DIP2C: variants seen among roughly 807,000 people sequenced by gnomAD.
DIP2C encodes disco-interacting protein 2 homolog C.
In DIP2C, 33 loss-of-function variants were observed where a neutral mutation model predicts 192.4. The ratio of observed to expected loss-of-function variants is 0.17; its 90% CI spans 0.13 to 0.23. The LOEUF (loss-of-function observed/expected upper bound fraction) is 0.23, where lower values mean the gene tolerates loss of function less well. Ranked by LOEUF, DIP2C falls within the 10% of genes least tolerant of loss-of-function variation. The probability of loss-of-function intolerance (pLI) is 1.00; values close to 1 mark genes in which losing one functional copy is unlikely to be tolerated. For missense variants in DIP2C, 1,537 were observed against 2,110.1 expected, an observed-to-expected ratio of 0.73 and a Z score of 5.32; for synonymous variants, 979 against 864.1, an observed-to-expected ratio of 1.13 and a Z score of -2.33.
chr10:337,824 C>CTGTGTGTGTGTCGTGGAGGCCTAGGCTGA (rs1957934500), intron 29 of DIP2C, among the ~76,000 whole-genome samples: 2 of 102,890 alleles, frequency 1.9e-5, no homozygotes, highest in Admixed American at 2.1e-4. Context: ...GCCTACGCAG[C>CTGTGTGTGTGTCGTGGAGGCCTAGGCTGA]TGTGTGTGTG....
At chr10:561,248 C>G (rs923671505) in intron 1 of DIP2C, among the ~76,000 whole-genome samples, 5 of 152,114 alleles carry the variant, frequency 3.3e-5, no homozygotes, top group African/African-American at 1.2e-4. Flanking sequence ...GAGTTTGATT[C>G]TCTTTGCTGA....
At chr10:402,641 T>G (rs1242977308) in intron 9 of DIP2C, among the ~76,000 whole-genome samples, 9 of 17,820 alleles carry the variant, frequency 5.1e-4, no homozygotes, top group Admixed American at 1.2e-3. Context: ...TGATTTTACA[T>G]GAGTGGTAGC....
At chr10:348,817 C>G in intron 25 of DIP2C, 55 bp from the exon 26 acceptor site, 2 of 1,592,658 alleles carry the variant, frequency 1.3e-6, no homozygotes, top group South Asian at 1.1e-5. Context: ...TGAGTGCACA[C>G]TCTCCCTGTC....
intron 4 of DIP2C, among the ~76,000 whole-genome samples, chr10:438,970 C>CA (rs35966172): frequency 0.43 from 64,765 of 151,796 alleles, 15,736 homozygotes; most frequent in East Asian, 0.65. Context: ...TACAGGTGTA[C>CA]ACCACCAGGC....
intron 32 of DIP2C, among the ~76,000 whole-genome samples, chr10:292,713 T>G (rs1955552324): frequency 1.3e-5 from 2 of 152,218 alleles, no homozygotes; most frequent in Non-Finnish European, 2.9e-5. Flanking sequence ...TGGGAACAGG[T>G]GGGAAGGTGC....
rs1395868341 is a variant in DIP2C at position 490,563 on chromosome 10, CAG to C, written c.86-4035_86-4034del. Among the ~76,000 whole-genome samples the C allele has an allele frequency of 4.6e-5, 7 of 152,238 alleles. No individual in the cohort carries two copies. In the East Asian group the frequency reaches 1.2e-3, roughly 25 times the overall value. On this transcript the variant is annotated intron_variant, in intron 1 of 36. Coordinates refer to ENST00000280886, the MANE Select transcript of DIP2C (RefSeq NM_014974.3). ...TAAGGCACACCCTCAAGGCTGCTGTCAGAGAATGTGAACCACAGGAGCCCCTG... is the reference window on the plus strand; with the variant it reads ...TAAGGCACACCCTCAAGGCTGCTGTCAGAATGTGAACCACAGGAGCCCCTG...
intron 1 of DIP2C, among the ~76,000 whole-genome samples, chr10:545,169 T>C (rs1437021393): frequency 1.5e-5 from 2 of 137,470 alleles, no homozygotes; most frequent in South Asian, 2.5e-4. Flanking sequence ...GTTTTCCCTT[T>C]TTTTTTTTTT....
chr10:664,141 C>G (rs943687434), intron 1 of DIP2C: 2 of 151,640 alleles, frequency 1.3e-5, no homozygotes, highest in African/African-American at 4.9e-5. Context: ...GCCAGAGCAT[C>G]CGTAGTGCCA....
At chr10:537,697 G>C (rs1467759238) in intron 1 of DIP2C, among the ~76,000 whole-genome samples, 1 of 152,180 alleles carries the variant, frequency 6.6e-6, no homozygotes, top group African/African-American at 2.4e-5. Context: ...ACACAGGCTG[G>C]TAAGTCAACT....
At chr10:626,102 C>T (rs566060436) in intron 1 of DIP2C, among the ~76,000 whole-genome samples, 5 of 152,324 alleles carry the variant, frequency 3.3e-5, no homozygotes, top group African/African-American at 1.2e-4. Flanking sequence ...AGATCCACTT[C>T]GTCCATGGAC....
chr10:327,671 C>T (rs1407948822), intron 30 of DIP2C, among the ~76,000 whole-genome samples: 1 of 152,174 alleles, frequency 6.6e-6, no homozygotes, highest in Admixed American at 6.5e-5. Flanking sequence ...GTAGCTGGGA[C>T]TGCAGACATG....
intron 17 of DIP2C, among the ~76,000 whole-genome samples, chr10:378,850 GAC>G (rs1341883778): frequency 5.3e-5 from 8 of 151,524 alleles, no homozygotes; most frequent in Non-Finnish European, 8.8e-5. Flanking sequence ...GACATGCATA[GAC>G]ACATGTGAAC....
intron 1 of DIP2C, among the ~76,000 whole-genome samples, chr10:609,961 G>C (rs1852961372): frequency 6.6e-6 from 1 of 152,062 alleles, no homozygotes; most frequent in African/African-American, 2.4e-5. Context: ...CGAGGGCTTT[G>C]GGGACAGGCT....
intron 10 of DIP2C, among the ~76,000 whole-genome samples, chr10:392,997 G>A (rs561297485): frequency 1.1e-4 from 16 of 152,186 alleles, no homozygotes; most frequent in African/African-American, 3.6e-4. Context: ...TGGGCCTCAC[G>A]ACCTCTGCCG....
chr10:613,319 G>C (rs559942531), intron 1 of DIP2C, among the ~76,000 whole-genome samples: 4 of 152,214 alleles, frequency 2.6e-5, no homozygotes, highest in African/African-American at 9.7e-5. Context: ...ACGTCAGCTA[G>C]AGCCGATCAC....
At position 555,502 on chromosome 10, in the gene DIP2C, G is replaced by A. The variant is rs367842435; in HGVS notation, c.86-68972C>T. ...CAATCTCCTTGGAACCCCAGCATGC[G>A]GGTATCTCTGTGGCTGACAGGACTG... is the stretch of plus-strand genomic sequence containing the variant. On this transcript the variant is annotated intron_variant, in intron 1 of 36. Transcript: ENST00000280886. Among the ~76,000 whole-genome samples the A allele has an allele frequency of 1.4e-3, 216 of 152,306 alleles. 1 individual carries two copies. Among genetic ancestry groups the A allele is most frequent in the African/African-American group, 4.6e-3 (192 of 41,566 alleles).
intron 2 of DIP2C, among the ~76,000 whole-genome samples, chr10:485,770 G>C (rs1410423438): frequency 6.6e-6 from 1 of 152,198 alleles, no homozygotes; most frequent in Non-Finnish European, 1.5e-5. Flanking sequence ...GTTTGAGGAA[G>C]AAACTGCTTG....
chr10:384,838 G>A (rs1245271581), intron 14 of DIP2C, among the ~76,000 whole-genome samples, 199 bp from the exon 15 acceptor site: 1 of 151,660 alleles, frequency 6.6e-6, no homozygotes, highest in Admixed American at 6.6e-5. Context: ...GCATAGTGGA[G>A]GAGCAGCTCT....
intron 2 of DIP2C, chr10:484,973 A>G (rs1231017164): frequency 3.2e-6 from 5 of 1,586,798 alleles, no homozygotes; most frequent in Non-Finnish European, 4.3e-6. Flanking sequence ...AAAAAAACTA[A>G]TTAATTCAAA....
Sources: allele counts gnomAD v4.1 joint callset (sites outside exome capture counted in the v4.1 genomes callset), GRCh38; gene constraint gnomAD v4.1.1; transcripts MANE v1.5; gene names NCBI Gene and HGNC (gene_info 2026-07-23, HGNC 2026-07-21).